PALLD: variants seen among roughly 807,000 people sequenced by gnomAD.
The protein encoded by PALLD is palladin.
PALLD carries 61 observed loss-of-function variants against 123.5 expected under a neutral mutation model. That is an observed-to-expected ratio of 0.49 (90% CI 0.40 to 0.61). PALLD has a LOEUF of 0.61. Ranked by LOEUF, PALLD falls within the 20% of genes least tolerant of loss-of-function variation. PALLD has a pLI of 0.00. For missense variants in PALLD, 1,273 were observed against 1,377.0 expected (o/e 0.92, Z 1.20); for synonymous variants, 465 against 496.4 (o/e 0.94, Z 0.84).
intron 10 of PALLD, among the ~76,000 whole-genome samples, chr4:168,835,544 C>T (rs1745033530): frequency 6.6e-6 from 1 of 152,118 alleles, no homozygotes; most frequent in Non-Finnish European, 1.5e-5. Context: ...CTTCTTAGTT[C>T]AGTCTCCCAG....
At chr4:168,690,814 G>T (rs1268762237) in intron 7 of PALLD, 70 bp downstream of exon 7, 7 of 1,465,720 alleles carry the variant, frequency 4.8e-6, no homozygotes, top group South Asian at 1.1e-5. Flanking sequence ...AACCAAGAAG[G>T]GCTAAGTCAT....
chr4:168,533,385 G>A (rs1387956538), intron 2 of PALLD, among the ~76,000 whole-genome samples: 1 of 152,130 alleles, frequency 6.6e-6, no homozygotes, highest in Non-Finnish European at 1.5e-5. Context: ...GAAATTAGGG[G>A]CCTGAATCAA....
chr4:168,915,845 A>G (rs752538844), intron 16 of PALLD, 50 bp from the exon 17 acceptor site: 167 of 1,469,794 alleles, frequency 1.1e-4, no homozygotes, highest in Non-Finnish European at 1.5e-4. Context: ...AAAGTCTGGA[A>G]GTAACTACTA....
At position 168,586,153 on chromosome 4, in the gene PALLD, T is replaced by TAAA. The variant is rs35474736; in HGVS notation, c.908+73764_908+73766dup. On this transcript the variant is annotated intron_variant, in intron 2 of 21. Transcript: ENST00000505667. ...CGCTTCTCCAGGTCCTCAAGAGACC[T>TAAA]AAAAAAAAAAAAAAAAAAAAAAAAA... Among the ~76,000 whole-genome samples the TAAA allele has an allele frequency of 6.8e-4, 51 of 75,528 alleles. 1 individual carries two copies. The highest frequency in any genetic ancestry group is 2.3e-3 in the African/African-American group (43 of 19,040). The allele number at this position is 75,528 out of a possible 152,430, so 49.5% of individuals were successfully genotyped here. A position where few individuals can be genotyped will look rare whatever the true frequency, so the allele number is the denominator to read the frequency against.
At chr4:168,877,154 G>A (rs1056649351) in intron 10 of PALLD, among the ~76,000 whole-genome samples, 1 of 152,160 alleles carries the variant, frequency 6.6e-6, no homozygotes, top group Non-Finnish European at 1.5e-5. Flanking sequence ...CTAAAATTTT[G>A]CATAAAGACT....
intron 8 of PALLD, among the ~76,000 whole-genome samples, chr4:168,703,055 C>G (rs972739313): frequency 9.1e-6 from 1 of 109,518 alleles, no homozygotes; most frequent in African/African-American, 3.5e-5. Flanking sequence ...CTATCCCTCC[C>G]CCCTCCCCCC....
At chr4:168,687,340 A>G (rs1043259771) in intron 6 of PALLD, among the ~76,000 whole-genome samples, 4 of 152,234 alleles carry the variant, frequency 2.6e-5, no homozygotes, top group East Asian at 1.9e-4. Context: ...AACCCTGCCT[A>G]AAACCATGTC....
At chr4:168,811,607 G>T (rs2034141030) in intron 10 of PALLD, among the ~76,000 whole-genome samples, 1 of 152,080 alleles carries the variant, frequency 6.6e-6, no homozygotes, top group South Asian at 2.1e-4. Flanking sequence ...ATAGTGGCAT[G>T]TGCCTGTAGT....
intron 13 of PALLD, 80 bp from the exon 14 acceptor site, chr4:168,898,413 G>A (rs1755728557): frequency 1.2e-6 from 1 of 859,670 alleles, no homozygotes; most frequent in South Asian, 1.4e-5. Context: ...GTCTTCTAGG[G>A]CCTTATTGGG....
intron 10 of PALLD, among the ~76,000 whole-genome samples, chr4:168,786,321 C>G (rs924019676): frequency 2.0e-5 from 3 of 151,586 alleles, no homozygotes; most frequent in African/African-American, 7.3e-5. Context: ...AGTGAGACTC[C>G]GTCTCAAAGA....
chr4:168,894,714 A>G (rs958807230), intron 12 of PALLD, 37 bp downstream of exon 12: 8 of 1,602,352 alleles, frequency 5.0e-6, no homozygotes, highest in Non-Finnish European at 6.8e-6. Context: ...GGTAACATTT[A>G]TTCTGTCCCC....
chr4:168,663,730 A>G (rs1242070220), intron 2 of PALLD, among the ~76,000 whole-genome samples: 2 of 152,132 alleles, frequency 1.3e-5, no homozygotes, highest in African/African-American at 2.4e-5. Context: ...AACCTCATTC[A>G]TTTGATAATT....
chr4:168,657,929 A>G (rs1478853380), intron 2 of PALLD, among the ~76,000 whole-genome samples: 2 of 152,192 alleles, frequency 1.3e-5, no homozygotes, highest in African/African-American at 4.8e-5. Context: ...TATAAAATCC[A>G]GTGCACTCCC....
chr4:168,549,613 T>A (rs1766521056), intron 2 of PALLD, among the ~76,000 whole-genome samples: 1 of 152,280 alleles, frequency 6.6e-6, no homozygotes, highest in Middle Eastern at 3.4e-3. Flanking sequence ...CACCCAATTA[T>A]CTTTTTTAAA....
intron 2 of PALLD, among the ~76,000 whole-genome samples, chr4:168,587,302 T>C (rs938533466): frequency 6.6e-6 from 1 of 152,218 alleles, no homozygotes; most frequent in Non-Finnish European, 1.5e-5. Flanking sequence ...GAAGACCACA[T>C]AGGCAATCAC....
chr4:168,668,226 T>A lies in PALLD; in HGVS notation c.945T>A (p.Pro315=), dbSNP rs1779842337. 3 of 1,614,158 alleles carry A rather than the reference T, an allele frequency of 1.9e-6. No individual in the cohort carries two copies. The highest frequency in any genetic ancestry group is 2.5e-6 in the Non-Finnish European group (3 of 1,179,968). Residue 315 remains proline (P), a synonymous_variant, in exon 3 of 22, where the codon CCT becomes CCA. Coordinates refer to ENST00000505667, the MANE Select transcript of PALLD (RefSeq NM_001166108.2). ...AAGGGAAAGAACTGCACAACACTCC[T>A]GATATTCAAATCCACTGTGAGGGAG... ...FCEGKELHNT[P]DIQIHCEGGD... is the part of the protein sequence containing the mutation.
At chr4:168,707,513 AG>A (rs1784341915) in intron 8 of PALLD, among the ~76,000 whole-genome samples, 1 of 152,156 alleles carries the variant, frequency 6.6e-6, no homozygotes, top group Non-Finnish European at 1.5e-5. Context: ...TGTTCACCTA[AG>A]GGTTCATCAG....
At chr4:168,649,201 C>T (rs1777790455) in intron 2 of PALLD, among the ~76,000 whole-genome samples, 1 of 152,224 alleles carries the variant, frequency 6.6e-6, no homozygotes, top group Non-Finnish European at 1.5e-5. Context: ...TGGTATTTTT[C>T]ACCTCCTATC....
chr4:168,631,897 A>T, intron 2 of PALLD: 2 of 985,464 alleles, frequency 2.0e-6, no homozygotes, highest in Non-Finnish European at 2.4e-6. Context: ...TTTGCGCCCA[A>T]CTGGTAAGTG....
Sources: allele counts gnomAD v4.1 joint callset (sites outside exome capture counted in the v4.1 genomes callset), GRCh38; gene constraint gnomAD v4.1.1; transcripts MANE v1.5; gene names NCBI Gene and HGNC (gene_info 2026-07-23, HGNC 2026-07-21).